Variants in WIZ observed in about 807,000 individuals in gnomAD.
The protein encoded by WIZ is WIZ zinc finger, also known as protein Wiz.
In WIZ, 25 loss-of-function variants were observed where a neutral mutation model predicts 140.2. That is an observed-to-expected ratio of 0.18 (90% CI 0.13 to 0.25). The LOEUF is 0.25. Ranked by LOEUF, WIZ falls within the 10% of genes least tolerant of loss-of-function variation. WIZ has a pLI of 1.00. For missense variants in WIZ, 2,231 were observed against 2,632.6 expected (o/e 0.85, Z 3.34); for synonymous variants, 1,125 against 1,154.3 (o/e 0.97, Z 0.51).
At position 15,422,439 on chromosome 19, in the gene WIZ, T is replaced by C. The variant is rs1968428465; in HGVS notation, c.*637A>G. ...GGAGGCAGCTGTCAGCTCTGAGCTCTTCCCAGCTGGGAAGGCCCCTCTCGG... is the reference window on the plus strand; with the variant it reads ...GGAGGCAGCTGTCAGCTCTGAGCTCCTCCCAGCTGGGAAGGCCCCTCTCGG... On this transcript the variant is annotated 3_prime_UTR_variant, in exon 13 of 13. Transcript: ENST00000673675. 6.6e-6 allele frequency: 1 copy of C among 151,718 alleles called. No homozygotes were observed. 9.4% of individuals were successfully genotyped at this position (151,718 alleles called of 1,614,324 possible).
intron 6 of WIZ, 121 bp downstream of exon 6, chr19:15,430,891 G>T: frequency 7.8e-7 from 1 of 1,281,206 alleles, no homozygotes; most frequent in Non-Finnish European, 1.0e-6. Flanking sequence ...GGTGCCTCAA[G>T]GTGCCAGAGG....
intron 5 of WIZ, among the ~76,000 whole-genome samples, chr19:15,431,772 G>A (rs571561364): frequency 3.3e-5 from 5 of 152,318 alleles, no homozygotes; most frequent in African/African-American, 9.6e-5. Context: ...ATCTGACTTC[G>A]GACAGAAAGA....
At chr19:15,423,261 G>A (rs747549705) in intron 12 of WIZ, 26 bp from the exon 13 acceptor site, 34 of 1,611,350 alleles carry the variant, frequency 2.1e-5, no homozygotes, top group Middle Eastern at 1.7e-4. Context: ...GAGAGAGGGA[G>A]TGGCCAGTGC....
rs1239391391 is a variant in WIZ at position 15,424,006 on chromosome 19, C to A, written c.5510+177G>T. 5.6e-6 allele frequency: 3 copies of A among 534,030 alleles called. No homozygotes were observed. Among genetic ancestry groups the A allele is most frequent in the Admixed American group, 4.2e-5 (1 of 24,064 alleles). 33.1% of individuals were successfully genotyped at this position (534,030 alleles called of 1,614,324 possible). Reference sequence around the variant, plus strand: ...AAGTGGCAGAGTTGGGATTTGAACCCAGGTCTCGCAGGCTACAAAGCTCAG... The same window carrying A: ...AAGTGGCAGAGTTGGGATTTGAACCAAGGTCTCGCAGGCTACAAAGCTCAG... On this transcript the variant is annotated intron_variant, in intron 12 of 12. Coordinates refer to ENST00000673675, the MANE Select transcript of WIZ (RefSeq NM_001371589.1). The surrounding 1 kb of genome is among the most constrained non-coding windows in gnomAD (Gnocchi z 9.7).
Position 15,431,168 on chromosome 19 carries a change from C to T in WIZ, c.2755G>A (p.Glu919Lys), listed in dbSNP as rs1435686095. 5.9e-6 allele frequency: 9 copies of T among 1,528,188 alleles called. No individual in the cohort carries two copies. The East Asian group carries it at 2.0e-4, about 33-fold the overall frequency. The allele number at this position is 1,528,188 out of a possible 1,614,324, so 94.7% of individuals were successfully genotyped here. A position where few individuals can be genotyped will look rare whatever the true frequency, so the allele number is the denominator to read the frequency against. The change falls in exon 6 of 13, where the codon GAA becomes AAA. Residue 919 changes from glutamate (E) to lysine (K), a missense_variant. By Grantham distance (56) the Glu-to-Lys change is moderately conservative. This residue lies in a region of WIZ where 137 missense variants were observed against 135.8 expected (regional missense o/e 1.01). Transcript: ENST00000673675. The part of the protein sequence containing the change: ...PAYGDGLGSE[E>K]NAMVAMDLGS... Reference sequence around the variant, plus strand: ...AAGTCCATGGCCACCATTGCGTTTTCCTCAGAACCCAGGCCTGTGGGTTGG... The same window carrying T: ...AAGTCCATGGCCACCATTGCGTTTTTCTCAGAACCCAGGCCTGTGGGTTGG...
chr19:15,430,468 G>A (rs144110041), intron 6 of WIZ, among the ~76,000 whole-genome samples: 1 of 152,280 alleles, frequency 6.6e-6, no homozygotes, highest in East Asian at 1.9e-4. Flanking sequence ...ACCACCCTCT[G>A]TGGCTCAACT....
At chr19:15,434,822 T>C (rs1022483610) in intron 5 of WIZ, among the ~76,000 whole-genome samples, 18 of 152,180 alleles carry the variant, frequency 1.2e-4, no homozygotes, top group Non-Finnish European at 2.5e-4. Context: ...ATAGGACTTA[T>C]GGATTTCCAA....
At chr19:15,434,776 C>G (rs1174738500) in intron 5 of WIZ, among the ~76,000 whole-genome samples, 1 of 152,094 alleles carries the variant, frequency 6.6e-6, no homozygotes, top group Non-Finnish European at 1.5e-5. Context: ...CTTGTCCACT[C>G]CCTTTGCAGT....
chr19:15,431,043 A>G lies in WIZ; in HGVS notation c.2880T>C (p.His960=). Residue 960 remains histidine (H), a synonymous_variant, in exon 6 of 13, where the codon CAT becomes CAC. Transcript: ENST00000673675. ...LSSKVAAEVP[H]GSKQELQDLK... The stretch of plus-strand genomic sequence containing the variant: ...GGTCCTGCAGCTCCTGTTTGCTGCC[A>G]TGAGGAACCTCTGCAGCCACTTTGC... The G allele has an allele frequency of 6.5e-7, 1 of 1,535,684 alleles. No individual in the cohort carries two copies. The highest frequency in any genetic ancestry group is 8.7e-7 in the Non-Finnish European group (1 of 1,146,668).
In WIZ at chr19:15,420,079, A is replaced by T. The variant is rs1968313861; in HGVS notation, c.*2997T>A. ...TACAACGTTGAGAGAAACATACTGA[A>T]ATACTAAGAAGTTAACTGATCTTAT... On this transcript the variant is annotated 3_prime_UTR_variant, in exon 13 of 13. Transcript: ENST00000673675. 6.6e-6 allele frequency: 1 copy of T among 152,232 alleles called. No homozygotes were observed. The highest frequency in any genetic ancestry group is 1.5e-5 in the Non-Finnish European group (1 of 68,050). 9.4% of individuals were successfully genotyped at this position (152,232 alleles called of 1,614,324 possible).
At chr19:15,446,636 T>G (rs1190443701) in intron 2 of WIZ, among the ~76,000 whole-genome samples, 1 of 152,182 alleles carries the variant, frequency 6.6e-6, no homozygotes, top group Non-Finnish European at 1.5e-5. Flanking sequence ...TGCTTCCCCC[T>G]TGGTCTGGCT....
rs372907421 is a variant in WIZ, at chr19:15,424,339, G to A, written c.5354C>T (p.Ala1785Val). The part of the protein sequence containing the change: ...RRQARPPDAS[A>V]ARGGEDTNDL... ...ATTGGTGTCCTCGCCTCCCCGGGCT[G>A]CGGAGGCATCTGGAGGGCGGGCTTG... Residue 1785 changes from alanine to valine, a missense_variant, in exon 12 of 13, where the codon GCA becomes GTA. Transcript: ENST00000673675. The surrounding 1 kb of genome is among the most constrained non-coding windows in gnomAD (Gnocchi z 9.7). 7 of 1,603,590 alleles carry A rather than the reference G, an allele frequency of 4.4e-6. No individual in the cohort carries two copies. The highest frequency in any genetic ancestry group is 5.9e-6 in the Non-Finnish European group (7 of 1,177,050).
Position 15,427,502 on chromosome 19 carries a change from G to A in WIZ, c.3846C>T (p.Arg1282=). Residue 1282 remains arginine, a synonymous_variant, in exon 9 of 13, where the codon CGC becomes CGT. Coordinates refer to ENST00000673675, the MANE Select transcript of WIZ (RefSeq NM_001371589.1). The surrounding 1 kb of genome is among the most constrained non-coding windows in gnomAD (Gnocchi z 6.4). ...CGAAGAACTCACCACAGAACTCGCA[G>A]CGGATGTCTCGTGCTGGCTCTGGGC... is the stretch of plus-strand genomic sequence containing the variant. ...SSGPEPARDI[R]CEFCGEFFEN... The A allele has an allele frequency of 1.2e-6, 2 of 1,611,264 alleles. No homozygotes were observed. The highest frequency in any genetic ancestry group is 1.7e-6 in the Non-Finnish European group (2 of 1,178,324).
chr19:15,425,142 TG>T, intron 10 of WIZ, 98 bp downstream of exon 10: 1 of 1,526,268 alleles, frequency 6.6e-7, no homozygotes, highest in South Asian at 1.2e-5. Context: ...GACCCAGCCA[TG>T]GGGGCCCCAC....
In WIZ at chr19:15,431,209, C is replaced by T. The variant is rs1452513538; in HGVS notation, c.2741-27G>A. 11 of 1,487,156 alleles carry T rather than the reference C, an allele frequency of 7.4e-6. No individual in the cohort carries two copies. The South Asian group carries it at 1.4e-4, about 19-fold the overall frequency. The allele number at this position is 1,487,156 out of a possible 1,614,324, so 92.1% of individuals were successfully genotyped here. On this transcript the variant is annotated intron_variant, in intron 5 of 12. Coordinates refer to ENST00000673675, the MANE Select transcript of WIZ (RefSeq NM_001371589.1). The stretch of plus-strand genomic sequence containing the variant: ...TGTGGGTTGGGGAGACAGGCTCAGC[C>T]CAGACAAATTTCAGGCTGTCTATAC...
chr19:15,430,985 C>T, intron 6 of WIZ, 27 bp downstream of exon 6: 1 of 1,499,476 alleles, frequency 6.7e-7, no homozygotes, highest in Non-Finnish European at 8.9e-7. Flanking sequence ...GGCCAGCATC[C>T]CCTGCCATGC....
Position 15,427,861 on chromosome 19 carries a change from T to C in WIZ, c.3814+249A>G, listed in dbSNP as rs532416663. On this transcript the variant is annotated intron_variant, in intron 8 of 12. Transcript: ENST00000673675. This position sits in a 1 kb window ranked among gnomAD's most constrained non-coding sequence, Gnocchi z 6.4. ...TGTGCCATCCAGACAGGGGCAGATG[T>C]GGGTGCTCTGCACACTAAAAGGCAG... 5.3e-5 allele frequency among the ~76,000 whole-genome samples: 8 copies of C among 152,222 alleles called. No homozygotes were observed. In the East Asian group the frequency reaches 1.4e-3, roughly 26 times the overall value.
rs1158788318 is a variant in WIZ at position 15,420,629 on chromosome 19, C to A, written c.*2447G>T. On this transcript the variant is annotated 3_prime_UTR_variant, in exon 13 of 13. Coordinates refer to ENST00000673675, the MANE Select transcript of WIZ (RefSeq NM_001371589.1). Reference sequence around the variant, plus strand: ...TGCTGCCTGAGGTGTATTGAAGTGGCTTGAGCAGAGAAGAGCAATGCTCAG... The same window carrying A: ...TGCTGCCTGAGGTGTATTGAAGTGGATTGAGCAGAGAAGAGCAATGCTCAG... 1 of 152,230 alleles carries A rather than the reference C, an allele frequency of 6.6e-6. No individual in the cohort carries two copies. The highest frequency in any genetic ancestry group is 1.5e-5 in the Non-Finnish European group (1 of 68,056). 9.4% of individuals were successfully genotyped at this position (152,230 alleles called of 1,614,324 possible). A position where few individuals can be genotyped will look rare whatever the true frequency, so the allele number is the denominator to read the frequency against.
chr19:15,440,696 G>C lies in WIZ; in HGVS notation c.298C>G (p.Leu100Val). Residue 100 changes from leucine (L) to valine (V), a missense_variant, in exon 4 of 13, where the codon CTG becomes GTG. Physicochemically the swap from Leu to Val is conservative, Grantham distance 32. This residue lies in a region of WIZ where 307 missense variants were observed against 294.1 expected (regional missense o/e 1.04). Transcript: ENST00000673675. The surrounding 1 kb of genome is among the most constrained non-coding windows in gnomAD (Gnocchi z 6.2). Reference protein sequence around the residue: ...ISSCCWDGGSLDFRPGSPPPH... With the variant: ...ISSCCWDGGSVDFRPGSPPPH... ...GGTGGGGAGCCCGGCCGGAAGTCCA[G>C]GCTGCCTCCATCCCAGCAGCTGCAA... 6.7e-7 allele frequency: 1 copy of C among 1,501,624 alleles called. No homozygotes were observed. The highest frequency in any genetic ancestry group is 8.9e-7 in the Non-Finnish European group (1 of 1,126,844). 93.0% of individuals were successfully genotyped at this position (1,501,624 alleles called of 1,614,324 possible). A position where few individuals can be genotyped will look rare whatever the true frequency, so the allele number is the denominator to read the frequency against.
Sources: allele counts gnomAD v4.1 joint callset (sites outside exome capture counted in the v4.1 genomes callset), GRCh38; gene constraint gnomAD v4.1.1; regional missense constraint gnomAD v4.1.1; non-coding constraint Gnocchi (gnomAD v3.1); transcripts MANE v1.5; gene names NCBI Gene and HGNC (gene_info 2026-07-23, HGNC 2026-07-21).